The following MTMR4 variants were observed in gnomAD, a reference collection of about 807,000 sequenced individuals.
The protein encoded by MTMR4 is phosphatidylinositol-3,5-bisphosphate 3-phosphatase MTMR4.
Under a neutral mutation model 125.5 loss-of-function variants are expected in MTMR4, and 30 were observed. That is an observed-to-expected ratio of 0.24 (90% CI 0.18 to 0.32). The LOEUF is 0.32. Ranked by LOEUF, MTMR4 falls within the 10% of genes least tolerant of loss-of-function variation. MTMR4 has a pLI of 1.00. For synonymous variants in MTMR4, 498 were observed against 564.5 expected (o/e 0.88, Z 1.67); for missense variants, 1,039 against 1,511.5 (o/e 0.69, Z 5.18).
rs1226128168 is a variant in MTMR4, at chr17:58,504,797, T to C, written c.1323A>G (p.Pro441=). The change falls in exon 11 of 18, where the codon CCA becomes CCG. Residue 441 remains proline (P), a synonymous_variant. Coordinates refer to ENST00000682306, the MANE Select transcript of MTMR4 (RefSeq NM_001378067.1). The surrounding 1 kb of genome is among the most constrained non-coding windows in gnomAD (Gnocchi z 7.1). The part of the protein sequence containing the change: ...IVALAKILLD[P]YYRTLEGFQV... Reference sequence around the variant, plus strand: ...TCAATACCTCCAACGTCCTGTAATATGGGTCCAGTAATATTTTGGCCAGGG... The same window carrying C: ...TCAATACCTCCAACGTCCTGTAATACGGGTCCAGTAATATTTTGGCCAGGG... 4 of 1,607,978 alleles carry C rather than the reference T, an allele frequency of 2.5e-6. No individual in the cohort carries two copies. Among genetic ancestry groups the C allele is most frequent in the East Asian group, 2.2e-5 (1 of 44,798 alleles).
At position 58,489,820 on chromosome 17, in the gene MTMR4, G is replaced by A. The variant is rs1352627170; in HGVS notation, c.*1843C>T. 1 of 152,566 alleles carries A rather than the reference G, an allele frequency of 6.6e-6. No individual in the cohort carries two copies. Among genetic ancestry groups the A allele is most frequent in the East Asian group, 1.9e-4 (1 of 5,200 alleles). 9.5% of individuals were successfully genotyped at this position (152,566 alleles called of 1,614,324 possible). On this transcript the variant is annotated 3_prime_UTR_variant, in exon 18 of 18. Transcript: ENST00000682306. Reference sequence around the variant, plus strand: ...CCAATCTTACTCCCCTTGAAAACAGGCAGAGTGAAGTGCAATGAAAGACAA... The same window carrying A: ...CCAATCTTACTCCCCTTGAAAACAGACAGAGTGAAGTGCAATGAAAGACAA...
chr17:58,496,037 T>A lies in MTMR4; in HGVS notation c.2147A>T (p.Tyr716Phe). The A allele has an allele frequency of 6.2e-7, 1 of 1,614,186 alleles. No homozygotes were observed. Among genetic ancestry groups the A allele is most frequent in the Non-Finnish European group, 8.5e-7 (1 of 1,180,028 alleles). ...AGGCACTGCGGTATTAAGCAGTTTGTAACTTGGAGAACAGCTTTTGTGACT... is the reference window on the plus strand; with the variant it reads ...AGGCACTGCGGTATTAAGCAGTTTGAAACTTGGAGAACAGCTTTTGTGACT... Reference protein sequence around the residue: ...FKSHKSCSPSYKLLNTAVPRE... With the variant: ...FKSHKSCSPSFKLLNTAVPRE... Residue 716 changes from tyrosine (Y) to phenylalanine (F), a missense_variant, in exon 15 of 18, where the codon TAC becomes TTC. Coordinates refer to ENST00000682306, the MANE Select transcript of MTMR4 (RefSeq NM_001378067.1).
chr17:58,512,133 G>A lies in MTMR4; in HGVS notation c.252+257C>T, dbSNP rs184837444. 5.7e-4 allele frequency among the ~76,000 whole-genome samples: 87 copies of A among 152,092 alleles called. No individual in the cohort carries two copies. The highest frequency in any genetic ancestry group is 4.6e-3 in the East Asian group (24 of 5,178). On this transcript the variant is annotated intron_variant, in intron 3 of 17. Transcript: ENST00000682306. This position sits in a 1 kb window ranked among gnomAD's most constrained non-coding sequence, Gnocchi z 4.1. ...CCCGAGTAGGTGGGATTACAGGTGC[G>A]CACCACCAAGCCCGACTAATTTTTG...
intron 15 of MTMR4, 149 bp downstream of exon 15, chr17:58,494,783 C>A: frequency 1.4e-6 from 1 of 695,766 alleles, no homozygotes; most frequent in Non-Finnish European, 2.4e-6. Context: ...TTAAAAACAT[C>A]ATTCTAATTG....
At position 58,496,017 on chromosome 17, in the gene MTMR4, C is replaced by T. The variant is rs1975456036; in HGVS notation, c.2167G>A (p.Val723Met). The stretch of plus-strand genomic sequence containing the variant: ...GTGTTGCTCTTCATTTCCCGAGGCA[C>T]TGCGGTATTAAGCAGTTTGTAACTT... ...SPSYKLLNTA[V>M]PREMKSNTSD... The change falls in exon 15 of 18, where the codon GTG (valine) becomes ATG (methionine). Residue 723 changes from valine (V) to methionine (M), a missense_variant. Physicochemically the swap from Val to Met is conservative, Grantham distance 21. Transcript: ENST00000682306. 1 of 1,613,994 alleles carries T rather than the reference C, an allele frequency of 6.2e-7. No homozygotes were observed. Among genetic ancestry groups the T allele is most frequent in the African/African-American group, 1.3e-5 (1 of 74,926 alleles).
At position 58,495,863 on chromosome 17, in the gene MTMR4, G is replaced by C. The variant is rs1473464044; in HGVS notation, c.2321C>G (p.Ala774Gly). Reference protein sequence around the residue: ...EPPEHCPETEAVSALSKVISN... With the variant: ...EPPEHCPETEGVSALSKVISN... ...AATGACCTTGGAGAGTGCACTGACA[G>C]CTTCTGTTTCAGGACAATGTTCAGG... The change falls in exon 15 of 18, where the codon GCT becomes GGT. Residue 774 changes from alanine to glycine, a missense_variant. Physicochemically the swap from Ala to Gly is moderately conservative, Grantham distance 60. This residue lies in a region of MTMR4 where 619 missense variants were observed against 714.5 expected (regional missense o/e 0.87). Transcript: ENST00000682306. 6.2e-7 allele frequency: 1 copy of C among 1,614,036 alleles called. No individual in the cohort carries two copies. The highest frequency in any genetic ancestry group is 8.5e-7 in the Non-Finnish European group (1 of 1,180,040).
intron 10 of MTMR4, 49 bp downstream of exon 10, chr17:58,505,423 T>A (rs765723992): frequency 1.4e-6 from 2 of 1,439,296 alleles, no homozygotes; most frequent in Non-Finnish European, 1.9e-6. Flanking sequence ...GAATAAGAGG[T>A]ACTGGGTAAG....
In MTMR4 at chr17:58,512,167, G is replaced by C. The variant is rs1315136960; in HGVS notation, c.252+223C>G. ...AGCCCGACTAATTTTTGTATTGTTA[G>C]TAGAGACACAGTTTCACCATGTTGG... is the stretch of plus-strand genomic sequence containing the variant. On this transcript the variant is annotated intron_variant, in intron 3 of 17. Coordinates refer to ENST00000682306, the MANE Select transcript of MTMR4 (RefSeq NM_001378067.1). This position sits in a 1 kb window ranked among gnomAD's most constrained non-coding sequence, Gnocchi z 4.1. Among the ~76,000 whole-genome samples the C allele has an allele frequency of 1.3e-5, 2 of 152,088 alleles. No individual in the cohort carries two copies. The highest frequency in any genetic ancestry group is 4.8e-5 in the African/African-American group (2 of 41,406).
intron 7 of MTMR4, chr17:58,507,943 A>G (rs1349633200): frequency 2.1e-6 from 1 of 476,760 alleles, no homozygotes; most frequent in African/African-American, 2.0e-5. Flanking sequence ...ACACACACAC[A>G]CACACACACA....
Position 58,495,994 on chromosome 17 carries a change from G to A in MTMR4, c.2190C>T (p.Asn730=), listed in dbSNP as rs1975455262. 3 of 1,614,104 alleles carry A rather than the reference G, an allele frequency of 1.9e-6. No individual in the cohort carries two copies. Among genetic ancestry groups the A allele is most frequent in the Admixed American group, 1.7e-5 (1 of 60,010 alleles). The change falls in exon 15 of 18, where the codon AAC becomes AAT. Residue 730 remains asparagine, a synonymous_variant. Coordinates refer to ENST00000682306, the MANE Select transcript of MTMR4 (RefSeq NM_001378067.1). ...GGACTTTGATCTCAGGATCAGAGGT[G>A]TTGCTCTTCATTTCCCGAGGCACTG... ...NTAVPREMKS[N]TSDPEIKVLE... is the part of the protein sequence containing the mutation.
Position 58,506,868 on chromosome 17 carries a change from G to T in MTMR4, c.908C>A (p.Ser303Tyr). The T allele has an allele frequency of 2.5e-6, 4 of 1,611,612 alleles. No individual in the cohort carries two copies. The highest frequency in any genetic ancestry group is 3.4e-6 in the Non-Finnish European group (4 of 1,179,582). Residue 303 changes from serine to tyrosine, a missense_variant, in exon 9 of 18, where the codon TCT (serine) becomes TAT (tyrosine). Physicochemically the swap from Ser to Tyr is moderately radical, Grantham distance 144. Coordinates refer to ENST00000682306, the MANE Select transcript of MTMR4 (RefSeq NM_001378067.1). The stretch of plus-strand genomic sequence containing the variant: ...CACTCCAGAGCACGCAGTCAGAGAA[G>T]AATCTAAACACACAGCAGGAAGGAG... ...TSEACDADFD[S>Y]SLTACSGVES... is the part of the protein sequence containing the mutation.
chr17:58,507,372 C>A (rs1042141745), intron 7 of MTMR4, 53 bp from the exon 8 acceptor site: 50 of 1,551,744 alleles, frequency 3.2e-5, no homozygotes, highest in Non-Finnish European at 4.3e-5. Flanking sequence ...CCTCCAGAGG[C>A]CTACCTCAGG....
Position 58,508,083 on chromosome 17 carries a change from T to C in MTMR4, c.707+78A>G. ...AGTGTCAATTCTCAGTCAACCAGGT[T>C]ACCCAAAATCTCCAATTTTGACTCT... On this transcript the variant is annotated intron_variant, in intron 7 of 17. Coordinates refer to ENST00000682306, the MANE Select transcript of MTMR4 (RefSeq NM_001378067.1). This position sits in a 1 kb window ranked among gnomAD's most constrained non-coding sequence, Gnocchi z 4.8. 5 of 1,062,776 alleles carry C rather than the reference T, an allele frequency of 4.7e-6. No homozygotes were observed. The South Asian group carries it at 6.6e-5, about 14-fold the overall frequency. The allele number at this position is 1,062,776 out of a possible 1,614,324, so 65.8% of individuals were successfully genotyped here.
Position 58,508,139 on chromosome 17 carries a change from C to T in MTMR4, c.707+22G>A. ...TGTTGCATAAGAAATGGCCTCCCTACTTCCCAGCCCCACTGCCTCACCTAT... is the reference window on the plus strand; with the variant it reads ...TGTTGCATAAGAAATGGCCTCCCTATTTCCCAGCCCCACTGCCTCACCTAT... On this transcript the variant is annotated intron_variant, in intron 7 of 17. Transcript: ENST00000682306. This position sits in a 1 kb window ranked among gnomAD's most constrained non-coding sequence, Gnocchi z 4.8. 6.3e-7 allele frequency: 1 copy of T among 1,590,414 alleles called. No individual in the cohort carries two copies. The highest frequency in any genetic ancestry group is 1.1e-5 in the South Asian group (1 of 90,166).
intron 14 of MTMR4, among the ~76,000 whole-genome samples, chr17:58,498,907 C>A (rs909722230): frequency 1.3e-5 from 2 of 152,142 alleles, no homozygotes; most frequent in Non-Finnish European, 2.9e-5. Context: ...ACTTTCAATT[C>A]TGTAGCCTGC....
In MTMR4 at chr17:58,503,855, G is replaced by C; in HGVS notation, c.1742C>G (p.Thr581Arg). The C allele has an allele frequency of 3.1e-6, 5 of 1,614,160 alleles. No individual in the cohort carries two copies. Among genetic ancestry groups the C allele is most frequent in the Non-Finnish European group, 4.2e-6 (5 of 1,180,022 alleles). Residue 581 changes from threonine (T) to arginine (R), a missense_variant, in exon 14 of 18, where the codon ACA becomes AGA. Physicochemically the swap from Thr to Arg is moderately conservative, Grantham distance 71. Coordinates refer to ENST00000682306, the MANE Select transcript of MTMR4 (RefSeq NM_001378067.1). ...AGATGATGCTGGCAGATAAACAGCT[G>C]TCCAGAGGTGCAGGGCCCGGACATG... Reference protein sequence around the residue: ...VCHVRALHLWTAVYLPASSPC... With the variant: ...VCHVRALHLWRAVYLPASSPC...
In MTMR4 at chr17:58,504,745, C is replaced by T; in HGVS notation, c.1341+34G>A. ...TCAACACCTTCCCTCCTGCCACATT[C>T]CTTCTGGTTTTCCCACCGAATTCCT... On this transcript the variant is annotated intron_variant, in intron 11 of 17. Coordinates refer to ENST00000682306, the MANE Select transcript of MTMR4 (RefSeq NM_001378067.1). The surrounding 1 kb of genome is among the most constrained non-coding windows in gnomAD (Gnocchi z 7.1). 6.4e-7 allele frequency: 1 copy of T among 1,569,398 alleles called. No individual in the cohort carries two copies. The highest frequency in any genetic ancestry group is 8.7e-7 in the Non-Finnish European group (1 of 1,153,088).
chr17:58,508,486 T>C lies in MTMR4; in HGVS notation c.575A>G (p.His192Arg). ...FDLQNVWRVSHINSNYKLCPS... is the reference protein window; with the variant it reads ...FDLQNVWRVSRINSNYKLCPS... ...CTCTCACTTGTAGTTGCTGTTGATG[T>C]GTGAGACTCTCCAGACGTTCTGCAG... Residue 192 changes from histidine to arginine, a missense_variant, in exon 6 of 18, where the codon CAC becomes CGC. By Grantham distance (29) the His-to-Arg change is conservative. This residue lies in a region of MTMR4 where 202 missense variants were observed against 311.9 expected (regional missense o/e 0.65). Transcript: ENST00000682306. This position sits in a 1 kb window ranked among gnomAD's most constrained non-coding sequence, Gnocchi z 4.8. The C allele has an allele frequency of 6.2e-7, 1 of 1,614,224 alleles. No individual in the cohort carries two copies. Among genetic ancestry groups the C allele is most frequent in the South Asian group, 1.1e-5 (1 of 91,088 alleles).
At position 58,500,747 on chromosome 17, in the gene MTMR4, CAAAAAAAA is replaced by C. The variant is rs60355286; in HGVS notation, c.1853+2989_1853+2996del. 3.1e-3 allele frequency among the ~76,000 whole-genome samples: 289 copies of C among 92,212 alleles called. 1 individual carries two copies. The highest frequency in any genetic ancestry group is 0.011 in the African/African-American group (248 of 23,134). 60.5% of individuals were successfully genotyped at this position (92,212 alleles called of 152,430 possible). A position where few individuals can be genotyped will look rare whatever the true frequency, so the allele number is the denominator to read the frequency against. Reference sequence around the variant, plus strand: ...CCGGTGACAGAGCGAGATTCTGTCTCAAAAAAAAAAAAAAAAAAAAAAAAGAATTGCTC... The same window carrying C: ...CCGGTGACAGAGCGAGATTCTGTCTCAAAAAAAAAAAAAAAAGAATTGCTC... On this transcript the variant is annotated intron_variant, in intron 14 of 17. Transcript: ENST00000682306.
Sources: gnomAD v4.1 joint callset for allele counts (sites outside exome capture counted in the v4.1 genomes callset) on GRCh38, gnomAD v4.1.1 for gene constraint, gnomAD v4.1.1 regional missense constraint, Gnocchi (gnomAD v3.1) non-coding constraint, MANE v1.5 for transcripts, NCBI Gene and HGNC (gene_info 2026-07-23, HGNC 2026-07-21) for gene names.